The following EIF3H variants were observed in gnomAD, a reference collection of about 807,000 sequenced individuals.
EIF3H encodes eukaryotic translation initiation factor 3 subunit H.
EIF3H carries 26 observed loss-of-function variants against 44.2 expected under a neutral mutation model. That is an observed-to-expected ratio of 0.59 (90% CI 0.43 to 0.82). The LOEUF is 0.82. EIF3H is among the 40% of genes least tolerant of loss of function. The pLI is 0.00. For missense variants in EIF3H, 359 were observed against 432.8 expected (o/e 0.83, Z 1.51); for synonymous variants, 166 against 151.9 (o/e 1.09, Z -0.68).
intron 1 of EIF3H, among the ~76,000 whole-genome samples, chr8:116,752,296 A>G (rs1277595591): frequency 6.6e-6 from 1 of 152,196 alleles, no homozygotes; most frequent in African/African-American, 2.4e-5. Context: ...GATTACCAGG[A>G]GCACTGAAGT....
At chr8:116,753,725 G>T (rs1193039142) in intron 1 of EIF3H, among the ~76,000 whole-genome samples, 1 of 152,188 alleles carries the variant, frequency 6.6e-6, no homozygotes, top group African/African-American at 2.4e-5. Context: ...CCCTCTTAAA[G>T]CTGCCAGGAC....
Position 116,678,847 on chromosome 8 carries a change from G to A in EIF3H, c.290-19867C>T, listed in dbSNP as rs1373065645. ...AGCGTCTCCGCCCGGCAGCCACCCC[G>A]ACCGGGAGGGAGGTGGGGGGGGGTC... On this transcript the variant is annotated intron_variant, in intron 2 of 7. Transcript: ENST00000521861. 4.1e-4 allele frequency among the ~76,000 whole-genome samples: 59 copies of A among 144,466 alleles called. No homozygotes were observed. In the South Asian group the frequency reaches 0.012, roughly 30 times the overall value. 94.8% of individuals were successfully genotyped at this position (144,466 alleles called of 152,430 possible). A position where few individuals can be genotyped will look rare whatever the true frequency, so the allele number is the denominator to read the frequency against.
At chr8:116,672,142 C>T (rs757596076) in intron 2 of EIF3H, among the ~76,000 whole-genome samples, 4 of 152,146 alleles carry the variant, frequency 2.6e-5, no homozygotes, top group Non-Finnish European at 5.9e-5. Context: ...AGAGTTAAAG[C>T]AGAGACAGAT....
intron 1 of EIF3H, among the ~76,000 whole-genome samples, chr8:116,735,640 G>A (rs540778120): frequency 2.3e-4 from 35 of 152,182 alleles, no homozygotes; most frequent in African/African-American, 7.9e-4. Context: ...ACAGAGCAGA[G>A]AATAAGCCAA....
chr8:116,730,090 C>T (rs985892889), intron 1 of EIF3H, among the ~76,000 whole-genome samples: 1 of 152,180 alleles, frequency 6.6e-6, no homozygotes, highest in Non-Finnish European at 1.5e-5. Context: ...ATTTTATGAT[C>T]GTCCTATTTC....
intron 2 of EIF3H, among the ~76,000 whole-genome samples, chr8:116,677,265 A>G (rs1813864988): frequency 6.6e-6 from 1 of 152,234 alleles, no homozygotes; most frequent in Non-Finnish European, 1.5e-5. Flanking sequence ...ATTTTACTCC[A>G]CTGGGCTTAT....
chr8:116,700,566 T>A (rs1435649943), intron 2 of EIF3H, among the ~76,000 whole-genome samples: 1 of 152,148 alleles, frequency 6.6e-6, no homozygotes, highest in Non-Finnish European at 1.5e-5. Context: ...AAATCCTCTC[T>A]ACTTTTTACC....
At chr8:116,699,036 C>T (rs770188215) in intron 2 of EIF3H, among the ~76,000 whole-genome samples, 1 of 152,010 alleles carries the variant, frequency 6.6e-6, no homozygotes, top group Non-Finnish European at 1.5e-5. Context: ...GCAGTCCCAG[C>T]TACTCTGAAG....
chr8:116,749,164 C>T (rs1815287357), intron 1 of EIF3H, among the ~76,000 whole-genome samples: 1 of 152,126 alleles, frequency 6.6e-6, no homozygotes, highest in Non-Finnish European at 1.5e-5. Context: ...GTTTCAAGCA[C>T]TGAATTATGG....
At chr8:116,725,900 G>A in intron 2 of EIF3H, 116 bp downstream of exon 2, 1 of 1,251,100 alleles carries the variant, frequency 8.0e-7, no homozygotes, top group African/African-American at 1.5e-5. Flanking sequence ...GACATCAAGT[G>A]AAGTAGGCTA....
At chr8:116,751,802 T>C (rs1035639231) in intron 1 of EIF3H, among the ~76,000 whole-genome samples, 1 of 152,320 alleles carries the variant, frequency 6.6e-6, no homozygotes, top group Middle Eastern at 3.4e-3. Flanking sequence ...GTCCCAGACA[T>C]TGTTCTAGTT....
intron 2 of EIF3H, among the ~76,000 whole-genome samples, chr8:116,698,427 C>T (rs1400086650): frequency 6.6e-6 from 1 of 152,174 alleles, no homozygotes; most frequent in Non-Finnish European, 1.5e-5. Context: ...CATCTTCATT[C>T]CCGCCACCAC....
intron 2 of EIF3H, among the ~76,000 whole-genome samples, chr8:116,720,013 A>C (rs1217304988): frequency 1.3e-5 from 2 of 152,192 alleles, no homozygotes; most frequent in East Asian, 1.9e-4. Context: ...ACCAATTCCT[A>C]GTTAAATGAT....
intron 1 of EIF3H, among the ~76,000 whole-genome samples, chr8:116,747,562 C>T (rs897873205): frequency 6.6e-6 from 1 of 152,134 alleles, no homozygotes; most frequent in Admixed American, 6.5e-5. Context: ...AAACAACTTA[C>T]GTATGCACCA....
intron 1 of EIF3H, among the ~76,000 whole-genome samples, chr8:116,752,763 G>GAAA (rs1815376242): frequency 1.2e-4 from 4 of 32,606 alleles, no homozygotes; most frequent in South Asian, 9.1e-4. Context: ...GAGGGAGGGA[G>GAAA]GGAGGGAGGG....
intron 2 of EIF3H, among the ~76,000 whole-genome samples, chr8:116,690,241 G>A (rs934749054): frequency 6.6e-6 from 1 of 152,114 alleles, no homozygotes; most frequent in African/African-American, 2.4e-5. Flanking sequence ...AACTACTAGA[G>A]TCACATGCTC....
At chr8:116,648,729 A>C (rs1436182932) in intron 6 of EIF3H, 77 bp downstream of exon 6, 33 of 1,457,144 alleles carry the variant, frequency 2.3e-5, no homozygotes, top group Non-Finnish European at 3.0e-5. Context: ...AAGATAATTT[A>C]GGTCATTTTG....
At chr8:116,750,519 C>A (rs1815314162) in intron 1 of EIF3H, among the ~76,000 whole-genome samples, 1 of 151,926 alleles carries the variant, frequency 6.6e-6, no homozygotes, top group African/African-American at 2.4e-5. Context: ...ATGCCATTCC[C>A]CTGCCTCAGC....
chr8:116,683,449 T>C (rs376384819), intron 2 of EIF3H, among the ~76,000 whole-genome samples: 2 of 152,162 alleles, frequency 1.3e-5, no homozygotes, highest in Non-Finnish European at 2.9e-5. Context: ...TATAAGGACA[T>C]GAGCCCTGCT....
Sources: gnomAD v4.1 joint callset for allele counts (sites outside exome capture counted in the v4.1 genomes callset) on GRCh38, gnomAD v4.1.1 for gene constraint, MANE v1.5 for transcripts, NCBI Gene and HGNC (gene_info 2026-07-23, HGNC 2026-07-21) for gene names.